PAK3: variants seen among roughly 807,000 people sequenced by gnomAD.
PAK3 encodes p21 (RAC1) activated kinase 3.
PAK3 carries 4 observed loss-of-function variants against 41.0 expected under a neutral mutation model. That is an observed-to-expected ratio of 0.10 (90% CI 0.05 to 0.22). PAK3 has a LOEUF of 0.22. Among genes scored for constraint, PAK3 ranks in the 10% least tolerant of loss-of-function variants. The pLI, the probability that PAK3 is intolerant of heterozygous loss-of-function variation, is 1.00. For synonymous variants in PAK3, 146 were observed against 139.6 expected (o/e 1.05, Z -0.32); for missense variants, 205 against 409.9 (o/e 0.50, Z 4.32).
chrX:110,988,887 T>C (rs2091594423), intron 1 of PAK3, among the ~76,000 whole-genome samples: 2 of 112,425 alleles, frequency 1.8e-5, no homozygotes, highest in African/African-American at 6.4e-5. Context: ...TAGCTGCTCT[T>C]GGTTAGTGAA....
intron 16 of PAK3, among the ~76,000 whole-genome samples, chrX:111,208,313 C>T (rs1195636183): frequency 8.9e-6 from 1 of 111,786 alleles, no homozygotes; most frequent in Non-Finnish European, 1.9e-5. Context: ...CGAAGAAAGA[C>T]AATTTTTAAA....
At chrX:110,957,699 T>C (rs1416020319) in intron 1 of PAK3, among the ~76,000 whole-genome samples, 2 of 111,087 alleles carry the variant, frequency 1.8e-5, no homozygotes, top group Non-Finnish European at 3.8e-5. Context: ...CACAAAAATT[T>C]TCATGCCTTG....
At chrX:110,972,621 G>A (rs1282503155) in intron 1 of PAK3, among the ~76,000 whole-genome samples, 1 of 112,016 alleles carries the variant, frequency 8.9e-6, no homozygotes, top group Non-Finnish European at 1.9e-5. Context: ...AGAGCAGAAA[G>A]GGGGAAAATT....
At chrX:111,122,224 C>A (rs2093586024) in intron 4 of PAK3, among the ~76,000 whole-genome samples, 3 of 96,550 alleles carry the variant, frequency 3.1e-5, no homozygotes, top group Admixed American at 2.3e-4. Context: ...CCACTGCACT[C>A]CAGCCTGGGC....
At chrX:111,112,356 G>T (rs763467840) in intron 4 of PAK3, among the ~76,000 whole-genome samples, 2 of 109,968 alleles carry the variant, frequency 1.8e-5, no homozygotes, top group African/African-American at 6.6e-5. Flanking sequence ...AGCCTGCTTC[G>T]TCAGGCTCCA....
intron 5 of PAK3, among the ~76,000 whole-genome samples, chrX:111,127,478 A>G (rs761201461): frequency 9.0e-6 from 1 of 111,096 alleles, no homozygotes; most frequent in Non-Finnish European, 1.9e-5. Context: ...TAATTTCAAG[A>G]TTGAGGATTT....
intron 1 of PAK3, among the ~76,000 whole-genome samples, chrX:111,029,910 C>T (rs151324756): frequency 3.3e-3 from 376 of 112,251 alleles, no homozygotes; most frequent in Non-Finnish European, 5.9e-3. Flanking sequence ...ATTAGCATCA[C>T]ATGGCATTTT....
chrX:111,115,547 A>G (rs780697904), intron 4 of PAK3, among the ~76,000 whole-genome samples: 1 of 111,358 alleles, frequency 9.0e-6, no homozygotes, highest in Admixed American at 9.6e-5. Flanking sequence ...TTTTTAATAG[A>G]TGTTATTTCC....
chrX:111,009,013 C>G (rs1313921579), intron 1 of PAK3, among the ~76,000 whole-genome samples: 1 of 110,573 alleles, frequency 9.0e-6, no homozygotes. Flanking sequence ...ACTGAGAGCC[C>G]CTGAGGGTTT....
At chrX:111,063,128 C>T (rs1431815670) in intron 1 of PAK3, among the ~76,000 whole-genome samples, 1 of 112,260 alleles carries the variant, frequency 8.9e-6, no homozygotes, top group Non-Finnish European at 1.9e-5. Flanking sequence ...CAGAATGAAA[C>T]AAAGTGTTCC....
chrX:111,120,835 G>A (rs2093556648), intron 4 of PAK3, among the ~76,000 whole-genome samples: 1 of 111,535 alleles, frequency 9.0e-6, no homozygotes, highest in Admixed American at 9.5e-5. Context: ...CTTCATATTT[G>A]CACATAGTTT....
At chrX:111,029,453 C>T (rs979463594) in intron 1 of PAK3, among the ~76,000 whole-genome samples, 2 of 111,696 alleles carry the variant, frequency 1.8e-5, no homozygotes, top group African/African-American at 3.3e-5. Flanking sequence ...AGTCAATCAA[C>T]GTGTATTTTG....
chrX:111,174,324 C>T (rs752136859), intron 11 of PAK3, among the ~76,000 whole-genome samples: 2 of 111,027 alleles, frequency 1.8e-5, no homozygotes, highest in South Asian at 7.6e-4. Flanking sequence ...AGGAGAGGCA[C>T]TCATGGAAAC....
At chrX:110,957,559 G>A (rs1423709761) in intron 1 of PAK3, among the ~76,000 whole-genome samples, 3 of 111,828 alleles carry the variant, frequency 2.7e-5, no homozygotes, top group African/African-American at 6.5e-5. Context: ...TAGGTGCTTG[G>A]GTACAGTAGA....
Position 111,224,160 on chromosome X carries a change from C to T in PAK3, c.*3713C>T, listed in dbSNP as rs756440188. On this transcript the variant is annotated 3_prime_UTR_variant, in exon 18 of 18. Coordinates refer to ENST00000372007, the MANE Select transcript of PAK3 (RefSeq NM_002578.5). ...TTGGCACACGCTCGGGTATGGCACA[C>T]GCTTTCTTAGGAGACTATTATCTAT... 3 of 111,170 alleles carry T rather than the reference C, an allele frequency of 2.7e-5. No homozygotes were observed. Among genetic ancestry groups the T allele is most frequent in the Admixed American group, 1.9e-4 (2 of 10,435 alleles). 9.2% of individuals were successfully genotyped at this position (111,170 alleles called of 1,213,427 possible).
At chrX:111,154,255 A>G (rs762610942) in intron 8 of PAK3, among the ~76,000 whole-genome samples, 1 of 111,677 alleles carries the variant, frequency 9.0e-6, no homozygotes, top group Non-Finnish European at 1.9e-5. Flanking sequence ...ACAGTACTGA[A>G]ATACATACCT....
chrX:111,030,166 A>C (rs1374981902), intron 1 of PAK3, among the ~76,000 whole-genome samples: 1 of 111,711 alleles, frequency 9.0e-6, no homozygotes, highest in Non-Finnish European at 1.9e-5. Context: ...AAATGATAAA[A>C]TATATGAGTA....
chrX:111,015,011 G>A (rs1001892153), intron 1 of PAK3, among the ~76,000 whole-genome samples: 2 of 111,018 alleles, frequency 1.8e-5, no homozygotes, highest in African/African-American at 3.3e-5. Flanking sequence ...CAGGGATTAT[G>A]CAAGGATTAA....
intron 1 of PAK3, among the ~76,000 whole-genome samples, chrX:111,058,916 GCTTTTCTC>G (rs749351352): frequency 3.7e-4 from 41 of 110,949 alleles, no homozygotes; most frequent in African/African-American, 1.3e-3. Context: ...TGAAGAAACT[GCTTTTCTC>G]CTTTGAATGG....
Sources: allele counts gnomAD v4.1 joint callset (sites outside exome capture counted in the v4.1 genomes callset), GRCh38; gene constraint gnomAD v4.1.1; transcripts MANE v1.5; gene names NCBI Gene and HGNC (gene_info 2026-07-23, HGNC 2026-07-21).